The following PHF14 variants were observed in gnomAD, a reference collection of about 807,000 sequenced individuals.
PHF14 encodes PHD finger protein 14.
Under a neutral mutation model 117.9 loss-of-function variants are expected in PHF14, and 55 were observed. That is an observed-to-expected ratio of 0.47 (90% CI 0.38 to 0.58). PHF14 has a LOEUF of 0.58. PHF14 is among the 20% of genes least tolerant of loss of function. PHF14 has a pLI of 0.00. For missense variants in PHF14, 978 were observed against 1,122.2 expected (o/e 0.87, Z 1.84); for synonymous variants, 409 against 368.6 (o/e 1.11, Z -1.26).
At chr7:11,102,901 G>T in intron 16 of PHF14, 1 of 1,084,164 alleles carries the variant, frequency 9.2e-7, no homozygotes. Flanking sequence ...CACAGTGTTT[G>T]GACTTACTGA....
intron 16 of PHF14, among the ~76,000 whole-genome samples, chr7:11,070,731 C>A (rs929206880): frequency 1.3e-5 from 2 of 152,250 alleles, no homozygotes; most frequent in Admixed American, 6.5e-5. Flanking sequence ...ACTTTGTCCA[C>A]GAGGTGAGTA....
intron 17 of PHF14, among the ~76,000 whole-genome samples, chr7:11,122,496 A>T (rs886972514): frequency 2.7e-5 from 4 of 148,226 alleles, no homozygotes; most frequent in Admixed American, 1.4e-4. Context: ...ATTCATACAT[A>T]TAAATTCTTC....
chr7:11,042,752 C>T lies in PHF14; in HGVS notation c.2250C>T (p.Tyr750=). The change falls in exon 13 of 18, where the codon TAC becomes TAT. Residue 750 remains tyrosine (Y), a synonymous_variant. Transcript: ENST00000634607. The part of the protein sequence containing the change: ...LLLCDTCKLH[Y]HLGCLDPPLT... ...TGTGTGATACCTGTAAACTACATTACCATCTTGGATGTCTGGATCCTCCTC... is the reference window on the plus strand; with the variant it reads ...TGTGTGATACCTGTAAACTACATTATCATCTTGGATGTCTGGATCCTCCTC... 3 of 1,591,086 alleles carry T rather than the reference C, an allele frequency of 1.9e-6. No individual in the cohort carries two copies. Among genetic ancestry groups the T allele is most frequent in the South Asian group, 2.3e-5 (2 of 88,422 alleles).
At chr7:11,022,712 ATTT>A (rs1015528866) in intron 5 of PHF14, among the ~76,000 whole-genome samples, 153 bp from the exon 6 acceptor site, 1 of 152,132 alleles carries the variant, frequency 6.6e-6, no homozygotes, top group Admixed American at 6.5e-5. Flanking sequence ...GGTGTTTCAT[ATTT>A]TTTAATGATG....
intron 4 of PHF14, among the ~76,000 whole-genome samples, chr7:10,995,338 T>C (rs541814769): frequency 1.3e-5 from 2 of 151,484 alleles, no homozygotes; most frequent in South Asian, 2.1e-4. Flanking sequence ...GATTGGTGCA[T>C]TTACAAGCCT....
intron 16 of PHF14, chr7:11,105,275 A>G (rs1304145114): frequency 1.1e-6 from 1 of 951,748 alleles, no homozygotes; most frequent in Non-Finnish European, 1.3e-6. Context: ...TGTTCATCTG[A>G]TTTTATATTT....
chr7:11,118,003 A>G (rs1345194465), intron 17 of PHF14, among the ~76,000 whole-genome samples: 1 of 151,752 alleles, frequency 6.6e-6, no homozygotes, highest in African/African-American at 2.4e-5. Flanking sequence ...GATGTATACC[A>G]CTCAGCTGTC....
chr7:11,087,329 C>T (rs1786450997), intron 16 of PHF14, among the ~76,000 whole-genome samples: 1 of 151,968 alleles, frequency 6.6e-6, no homozygotes, highest in South Asian at 2.1e-4. Context: ...GTAGCTGGGA[C>T]TACAGGCGCA....
chr7:11,060,810 A>T (rs1785197927), intron 14 of PHF14, among the ~76,000 whole-genome samples: 1 of 152,136 alleles, frequency 6.6e-6, no homozygotes, highest in Non-Finnish European at 1.5e-5. Flanking sequence ...ATAGTTTATA[A>T]ATTTACTTTT....
rs1057060752 is a variant in PHF14 at position 11,072,323 on chromosome 7, A to G, written c.2654+10238A>G. Among the ~76,000 whole-genome samples, 64 of 152,340 alleles carry G rather than the reference A, an allele frequency of 4.2e-4. No individual in the cohort carries two copies. In the East Asian group the frequency reaches 4.2e-3, roughly 10 times the overall value. On this transcript the variant is annotated intron_variant, in intron 16 of 17. Coordinates refer to ENST00000634607, the MANE Select transcript of PHF14 (RefSeq NM_001007157.2). Reference sequence around the variant, plus strand: ...ATGAGAACAGCACCAAGAGGATGGTATAAACCATTCATGAGAAATCTACCC... The same window carrying G: ...ATGAGAACAGCACCAAGAGGATGGTGTAAACCATTCATGAGAAATCTACCC...
intron 6 of PHF14, among the ~76,000 whole-genome samples, chr7:11,026,315 A>T (rs1486550219): frequency 6.6e-6 from 1 of 152,230 alleles, no homozygotes; most frequent in Non-Finnish European, 1.5e-5. Flanking sequence ...CATTTTAAAA[A>T]TACATAATGT....
At chr7:10,994,404 A>G (rs937025505) in intron 4 of PHF14, among the ~76,000 whole-genome samples, 13 of 152,154 alleles carry the variant, frequency 8.5e-5, no homozygotes, top group Non-Finnish European at 1.5e-4. Context: ...GAGCCACTGC[A>G]CTCCAGTCTG....
At chr7:11,104,618 C>T (rs142343631) in intron 16 of PHF14, 1 of 983,248 alleles carries the variant, frequency 1.0e-6, no homozygotes, top group Admixed American at 6.2e-5. Flanking sequence ...GATGAAATGT[C>T]TCTGAAATAC....
At chr7:10,996,484 A>C (rs561424016) in intron 4 of PHF14, among the ~76,000 whole-genome samples, 1 of 138,988 alleles carries the variant, frequency 7.2e-6, no homozygotes, top group African/African-American at 3.3e-5. Context: ...AAACTGTTTC[A>C]AAAAGAGAGT....
chr7:11,071,863 TATTC>T (rs1785623541), intron 16 of PHF14, among the ~76,000 whole-genome samples: 1 of 152,250 alleles, frequency 6.6e-6, no homozygotes, highest in South Asian at 2.1e-4. Context: ...TACACCATTT[TATTC>T]ATTCTTCAAC....
chr7:11,155,762 G>GTTTTTTTTTTGTT (rs1275723730), intron 17 of PHF14, among the ~76,000 whole-genome samples: 2 of 146,340 alleles, frequency 1.4e-5, no homozygotes, highest in African/African-American at 5.1e-5. Flanking sequence ...TATATACAAT[G>GTTTTTTTTTTGTT]TTTTTTTTTT....
At chr7:11,133,614 A>C (rs1412836947) in intron 17 of PHF14, among the ~76,000 whole-genome samples, 1 of 151,896 alleles carries the variant, frequency 6.6e-6, no homozygotes, top group African/African-American at 2.4e-5. Flanking sequence ...AGGAAAAGCT[A>C]ATCTCCAGAG....
At chr7:11,081,735 A>G (rs1218564556) in intron 16 of PHF14, among the ~76,000 whole-genome samples, 1 of 152,028 alleles carries the variant, frequency 6.6e-6, no homozygotes, top group Non-Finnish European at 1.5e-5. Context: ...ACGTGCCTGT[A>G]GTCCCAGCTA....
At chr7:11,063,758 A>G in intron 16 of PHF14, 2 of 785,260 alleles carry the variant, frequency 2.5e-6, no homozygotes, top group Non-Finnish European at 3.1e-6. Context: ...CCAACCCATC[A>G]TATTTTAGTC....
Sources: allele counts gnomAD v4.1 joint callset (sites outside exome capture counted in the v4.1 genomes callset), GRCh38; gene constraint gnomAD v4.1.1; transcripts MANE v1.5; gene names NCBI Gene and HGNC (gene_info 2026-07-23, HGNC 2026-07-21).